SIK3: variants seen among roughly 807,000 people sequenced by gnomAD.
The protein encoded by SIK3 is serine/threonine-protein kinase SIK3.
SIK3 carries 28 observed loss-of-function variants against 144.2 expected under a neutral mutation model. That is an observed-to-expected ratio of 0.19 (90% CI 0.14 to 0.27). The LOEUF (loss-of-function observed/expected upper bound fraction) is 0.27. Among genes scored for constraint, SIK3 ranks in the 10% least tolerant of loss-of-function variants. SIK3 has a pLI of 1.00. For synonymous variants in SIK3, 686 were observed against 676.3 expected, an observed-to-expected ratio of 1.01 and a Z score of -0.22; for missense variants, 1,319 against 1,776.0, an observed-to-expected ratio of 0.74 and a Z score of 4.62.
At position 116,858,655 on chromosome 11, in the gene SIK3, T is replaced by C; in HGVS notation, c.2810A>G (p.His937Arg). Residue 937 changes from histidine to arginine, a missense_variant, in exon 21 of 25, where the codon CAT becomes CGT. Transcript: ENST00000445177. The surrounding 1 kb of genome is among the most constrained non-coding windows in gnomAD (Gnocchi z 5.4). Reference sequence around the variant, plus strand: ...GTCCGAAAACAGATGGGGGTGTAAATGCGCCTGGTCGTAGTTAGCAGGGGA... The same window carrying C: ...GTCCGAAAACAGATGGGGGTGTAAACGCGCCTGGTCGTAGTTAGCAGGGGA... ...RFSPANYDQA[H>R]LHPHLFSDQS... is the part of the protein sequence containing the mutation. 6.3e-7 allele frequency: 1 copy of C among 1,578,092 alleles called. No individual in the cohort carries two copies. Among genetic ancestry groups the C allele is most frequent in the Non-Finnish European group, 8.6e-7 (1 of 1,161,668 alleles).
intron 1 of SIK3, among the ~76,000 whole-genome samples, chr11:116,987,783 T>C (rs1950371221): frequency 6.6e-6 from 1 of 152,228 alleles, no homozygotes; most frequent in Non-Finnish European, 1.5e-5. Flanking sequence ...CTTTTGACTG[T>C]ATTTTTAAAC....
chr11:116,900,242 C>T (rs1945662615), intron 4 of SIK3, among the ~76,000 whole-genome samples: 1 of 152,156 alleles, frequency 6.6e-6, no homozygotes, highest in Non-Finnish European at 1.5e-5. Context: ...CTGGAGTCAT[C>T]TTCAAGTCCT....
At chr11:116,966,607 T>C (rs960761253) in intron 1 of SIK3, among the ~76,000 whole-genome samples, 4 of 152,132 alleles carry the variant, frequency 2.6e-5, no homozygotes, top group Non-Finnish European at 4.4e-5. Context: ...GAGTTTAAGA[T>C]TTGGGGGCAT....
At chr11:116,991,195 C>A (rs1477716798) in intron 1 of SIK3, among the ~76,000 whole-genome samples, 1 of 152,150 alleles carries the variant, frequency 6.6e-6, no homozygotes, top group Non-Finnish European at 1.5e-5. Context: ...TGCCTGTAAC[C>A]CCAGCACTTT....
chr11:116,945,204 C>T (rs1488087987), intron 3 of SIK3, among the ~76,000 whole-genome samples: 1 of 152,020 alleles, frequency 6.6e-6, no homozygotes, highest in African/African-American at 2.4e-5. Flanking sequence ...CGTGATCCGC[C>T]CGCCTCAGCC....
intron 1 of SIK3, among the ~76,000 whole-genome samples, chr11:117,032,717 C>T (rs951866682): frequency 2.6e-5 from 4 of 151,260 alleles, no homozygotes; most frequent in Non-Finnish European, 5.9e-5. Flanking sequence ...CACTATGTTG[C>T]CCATAATGTT....
At chr11:117,062,435 C>G (rs1161960531) in intron 1 of SIK3, among the ~76,000 whole-genome samples, 1 of 152,126 alleles carries the variant, frequency 6.6e-6, no homozygotes, top group African/African-American at 2.4e-5. Flanking sequence ...CTGATCAAAC[C>G]TAGTTCCAGT....
chr11:116,977,642 T>C (rs1591465997), intron 1 of SIK3, among the ~76,000 whole-genome samples: 1 of 152,242 alleles, frequency 6.6e-6, no homozygotes, highest in Non-Finnish European at 1.5e-5. Context: ...AAAAGAGTGC[T>C]TCTGCTCCTG....
chr11:116,899,908 C>T (rs1945645662), intron 4 of SIK3, among the ~76,000 whole-genome samples: 1 of 152,150 alleles, frequency 6.6e-6, no homozygotes, highest in African/African-American at 2.4e-5. Flanking sequence ...CTCTTGTTGA[C>T]AACTCTCCTT....
In SIK3 at chr11:116,927,383, G is replaced by A. The variant is rs1379883828; in HGVS notation, c.455-3C>T. On this transcript the variant is annotated splice_polypyrimidine_tract_variant and splice_region_variant and intron_variant, in intron 3 of 24. Coordinates refer to ENST00000445177, the MANE Select transcript of SIK3 (RefSeq NM_001366686.3). ...TCTACCATGGGCCACCAGGTGGTCT[G>A]TGTTGAAGAAGAATACAGTCAGTTT... The A allele has an allele frequency of 1.9e-6, 3 of 1,610,958 alleles. No homozygotes were observed. Among genetic ancestry groups the A allele is most frequent in the Non-Finnish European group, 2.5e-6 (3 of 1,178,724 alleles).
At chr11:116,945,875 G>C (rs75958227) in intron 3 of SIK3, among the ~76,000 whole-genome samples, 1 of 152,034 alleles carries the variant, frequency 6.6e-6, no homozygotes, top group Admixed American at 6.5e-5. Context: ...CCTCCCTGCA[G>C]CTAATTTCAC....
intron 4 of SIK3, among the ~76,000 whole-genome samples, chr11:116,916,499 A>G (rs1328961930): frequency 6.6e-6 from 1 of 150,810 alleles, no homozygotes. Flanking sequence ...AAATTTCTAT[A>G]ATATCACATC....
At chr11:117,052,125 G>C (rs1220539519) in intron 1 of SIK3, among the ~76,000 whole-genome samples, 1 of 151,802 alleles carries the variant, frequency 6.6e-6, no homozygotes, top group Non-Finnish European at 1.5e-5. Flanking sequence ...GGCAACAAGA[G>C]TGAAACCCTG....
intron 5 of SIK3, 135 bp downstream of exon 5, chr11:116,897,058 G>A (rs566524730): frequency 1.2e-6 from 1 of 857,698 alleles, no homozygotes; most frequent in East Asian, 2.8e-5. Flanking sequence ...CTTTGCACAG[G>A]AATTGGGACT....
intron 1 of SIK3, among the ~76,000 whole-genome samples, chr11:117,038,746 T>G (rs1952618138): frequency 6.6e-6 from 1 of 152,116 alleles, no homozygotes; most frequent in Non-Finnish European, 1.5e-5. Context: ...AAAGCTAAGA[T>G]TCTTCGAAAT....
At chr11:116,961,125 C>T (rs1359391552) in intron 1 of SIK3, among the ~76,000 whole-genome samples, 1 of 152,216 alleles carries the variant, frequency 6.6e-6, no homozygotes, top group Non-Finnish European at 1.5e-5. Flanking sequence ...CACAGCAAGA[C>T]CCGACCCTGA....
chr11:116,874,014 A>G lies in SIK3; in HGVS notation c.1470T>C (p.Phe490=), dbSNP rs1222687293. 6.2e-7 allele frequency: 1 copy of G among 1,614,034 alleles called. No individual in the cohort carries two copies. The highest frequency in any genetic ancestry group is 1.3e-5 in the African/African-American group (1 of 74,920). ...ATGGAGCCTGGGGGTTGACTCCAGG[A>G]AAGCCAGGTAGGAGCTTCTGCAGAT... ...MEDLQKLLPG[F]PGVNPQAPFL... Residue 490 remains phenylalanine, a synonymous_variant, in exon 12 of 25, where the codon TTT becomes TTC. Coordinates refer to ENST00000445177, the MANE Select transcript of SIK3 (RefSeq NM_001366686.3).
intron 3 of SIK3, among the ~76,000 whole-genome samples, chr11:116,929,165 T>C (rs1947455682): frequency 6.6e-6 from 1 of 152,162 alleles, no homozygotes; most frequent in South Asian, 2.1e-4. Context: ...TAAGAGGCCA[T>C]TTTCTAACAG....
intron 13 of SIK3, among the ~76,000 whole-genome samples, chr11:116,872,614 T>TA (rs932251570): frequency 2.7e-4 from 41 of 152,288 alleles, no homozygotes; most frequent in African/African-American, 8.4e-4. Context: ...TTTAGCAATT[T>TA]AAAAAAATAA....
Sources: allele counts gnomAD v4.1 joint callset (sites outside exome capture counted in the v4.1 genomes callset), GRCh38; gene constraint gnomAD v4.1.1; non-coding constraint Gnocchi (gnomAD v3.1); transcripts MANE v1.5; gene names NCBI Gene and HGNC (gene_info 2026-07-23, HGNC 2026-07-21).